Variants in KCNK16 observed in about 807,000 individuals in gnomAD.
KCNK16 encodes potassium channel subfamily K member 16.
KCNK16 carries 23 observed loss-of-function variants against 23.0 expected under a neutral mutation model. That is an observed-to-expected ratio of 1.00 (90% CI 0.72 to 1.41). The LOEUF (loss-of-function observed/expected upper bound fraction) is 1.41. Ranked by LOEUF, KCNK16 falls within the 40% of genes most tolerant of loss-of-function variation. The pLI, the probability that KCNK16 is intolerant of heterozygous loss-of-function variation, is 0.00. For missense variants in KCNK16, 327 were observed against 365.8 expected (o/e 0.89, Z 0.87); for synonymous variants, 145 against 153.5 (o/e 0.94, Z 0.41).
chr6:39,317,365 G>T (rs575641803), intron 3 of KCNK16, among the ~76,000 whole-genome samples: 2 of 152,340 alleles, frequency 1.3e-5, no homozygotes, highest in African/African-American at 4.8e-5. Context: ...TTGGAGTTCT[G>T]TGATGACCTT....
intron 4 of KCNK16, 143 bp from the exon 5 acceptor site, chr6:39,316,585 T>G (rs1583782351): frequency 8.2e-7 from 1 of 1,212,324 alleles, no homozygotes; most frequent in Non-Finnish European, 1.2e-6. Flanking sequence ...CTCTGCAGGG[T>G]GGTGATGGGT....
Position 39,322,561 on chromosome 6 carries a change from A to AT in KCNK16, c.-22_-21insA. ...GGCATGCTGTGGCCAGGACCCTGCC[A>AT]GGGCCGTGGGGCTGGCTATGGGGGA... On this transcript the variant is annotated 5_prime_UTR_variant, in exon 1 of 5. It adds an upstream start codon to the 5' untranslated region. Coordinates refer to ENST00000437525, the MANE Select transcript of KCNK16 (RefSeq NM_001135106.2). 1.3e-6 allele frequency: 2 copies of AT among 1,568,978 alleles called. No individual in the cohort carries two copies. The highest frequency in any genetic ancestry group is 1.7e-6 in the Non-Finnish European group (2 of 1,161,746).
Position 39,319,741 on chromosome 6 carries a change from G to A in KCNK16, c.214-608C>T, listed in dbSNP as rs917013410. Reference sequence around the variant, plus strand: ...ACAGAGGCCAAGACAAAGGTGGCACGTGTGAGTGTGTGTGTGTGTGTGTGT... The same window carrying A: ...ACAGAGGCCAAGACAAAGGTGGCACATGTGAGTGTGTGTGTGTGTGTGTGT... On this transcript the variant is annotated intron_variant, in intron 1 of 4. Coordinates refer to ENST00000437525, the MANE Select transcript of KCNK16 (RefSeq NM_001135106.2). The surrounding 1 kb of genome is among the most constrained non-coding windows in gnomAD (Gnocchi z 4.2). 5.9e-5 allele frequency among the ~76,000 whole-genome samples: 7 copies of A among 119,636 alleles called. No homozygotes were observed. Among genetic ancestry groups the A allele is most frequent in the African/African-American group, 7.1e-5 (2 of 28,202 alleles). The allele number at this position is 119,636 out of a possible 152,430, so 78.5% of individuals were successfully genotyped here.
At chr6:39,318,308 C>T (rs948497522) in intron 2 of KCNK16, among the ~76,000 whole-genome samples, 7 of 152,084 alleles carry the variant, frequency 4.6e-5, no homozygotes, top group African/African-American at 1.7e-4. Flanking sequence ...ACTGGAAGTT[C>T]CTTGCAGGCT....
upstream of KCNK16, chr6:39,322,858 G>C (rs954318018): frequency 2.3e-5 from 8 of 342,726 alleles, no homozygotes; most frequent in African/African-American, 1.4e-4. Flanking sequence ...CTCTCTCTCT[G>C]TCTCCAAGTT....
In KCNK16 at chr6:39,319,746, AGTGTGTGTGTGTGTGTGTGT is replaced by A. The variant is rs146841804; in HGVS notation, c.214-633_214-614del. 4.0e-4 allele frequency among the ~76,000 whole-genome samples: 60 copies of A among 148,372 alleles called. No individual in the cohort carries two copies. The highest frequency in any genetic ancestry group is 7.7e-4 in the Non-Finnish European group (51 of 66,646). ...GGCCAAGACAAAGGTGGCACGTGTGAGTGTGTGTGTGTGTGTGTGTGTGTGTGTGGTGGTTGTTTATATGT... is the reference window on the plus strand; with the variant it reads ...GGCCAAGACAAAGGTGGCACGTGTGAGTGTGTGTGGTGGTTGTTTATATGT... On this transcript the variant is annotated intron_variant, in intron 1 of 4. Transcript: ENST00000437525. This position sits in a 1 kb window ranked among gnomAD's most constrained non-coding sequence, Gnocchi z 4.2.
intron 2 of KCNK16, 41 bp from the exon 3 acceptor site, chr6:39,317,993 G>C: frequency 6.5e-7 from 1 of 1,541,924 alleles, no homozygotes; most frequent in Non-Finnish European, 8.8e-7. Flanking sequence ...GGAGACTCTA[G>C]AACGCCCTCT....
intron 1 of KCNK16, among the ~76,000 whole-genome samples, chr6:39,320,705 G>A (rs1025324381): frequency 6.6e-6 from 1 of 152,138 alleles, no homozygotes; most frequent in African/African-American, 2.4e-5. Flanking sequence ...GGCCCCAGGG[G>A]CTAATCAGTG....
chr6:39,322,063 C>G (rs567654188), intron 1 of KCNK16, among the ~76,000 whole-genome samples: 1 of 152,304 alleles, frequency 6.6e-6, no homozygotes, highest in East Asian at 1.9e-4. Context: ...TCTGCAGTAC[C>G]GATATGGTTA....
At chr6:39,315,997 A>G (rs991539646), downstream of KCNK16, among the ~76,000 whole-genome samples, 1 of 152,124 alleles carries the variant, frequency 6.6e-6, no homozygotes, top group African/African-American at 2.4e-5. Flanking sequence ...GGACAAGGGT[A>G]CACCTCCCCA....
chr6:39,321,974 C>T (rs921036857), intron 1 of KCNK16, among the ~76,000 whole-genome samples: 4 of 152,350 alleles, frequency 2.6e-5, no homozygotes, highest in Admixed American at 6.5e-5. Context: ...ATTTGGATAG[C>T]GTTGATAACG....
chr6:39,317,645 C>A, intron 3 of KCNK16, 141 bp downstream of exon 3: 1 of 948,862 alleles, frequency 1.1e-6, no homozygotes, highest in South Asian at 1.9e-5. Flanking sequence ...CTCTGCCCAA[C>A]CCTGCCTTCA....
At chr6:39,316,981 T>C in intron 3 of KCNK16, 34 bp from the exon 4 acceptor site, 1 of 1,590,360 alleles carries the variant, frequency 6.3e-7, no homozygotes. Context: ...TGAGTCCACT[T>C]GAAAGTCTCC....
downstream of KCNK16, chr6:39,315,568 G>A (rs2146259): frequency 7.0e-3 from 4,889 of 700,188 alleles, 122 homozygotes; most frequent in African/African-American, 0.058. Flanking sequence ...CCTGCCCCTC[G>A]GCTGAGAGCT....
chr6:39,319,101 G>T lies in KCNK16; in HGVS notation c.246C>A (p.Asn82Lys). 1 of 1,614,012 alleles carries T rather than the reference G, an allele frequency of 6.2e-7. No homozygotes were observed. ...TGGGGTTGGTAGAGTTGCCTTTGGG[G>T]TTCACACCTTTCACCCAGGCTTCCA... The part of the protein sequence containing the change: ...VIMEAWVKGV[N>K]PKGNSTNPSN... Residue 82 changes from asparagine (N) to lysine (K), a missense_variant, in exon 2 of 5, where the codon AAC becomes AAA. By Grantham distance (94) the Asn-to-Lys change is moderately conservative. Transcript: ENST00000437525. The surrounding 1 kb of genome is among the most constrained non-coding windows in gnomAD (Gnocchi z 4.2).
chr6:39,317,464 T>G (rs961898589), intron 3 of KCNK16, among the ~76,000 whole-genome samples: 1 of 152,220 alleles, frequency 6.6e-6, no homozygotes. Flanking sequence ...GAGAACCTCC[T>G]GGCCTAGGGG....
chr6:39,318,048 T>A, intron 2 of KCNK16, 96 bp from the exon 3 acceptor site: 6 of 1,219,370 alleles, frequency 4.9e-6, no homozygotes, highest in South Asian at 1.8e-5. Context: ...TGTCACCACC[T>A]CTGGGGGTGA....
intron 2 of KCNK16, among the ~76,000 whole-genome samples, 177 bp downstream of exon 2, chr6:39,318,842 C>T (rs537705068): frequency 3.7e-4 from 56 of 152,186 alleles, no homozygotes; most frequent in Non-Finnish European, 7.8e-4. Flanking sequence ...CAGTAATCTG[C>T]TAATTAATGC....
At chr6:39,320,009 C>T (rs756218070) in intron 1 of KCNK16, among the ~76,000 whole-genome samples, 3 of 152,226 alleles carry the variant, frequency 2.0e-5, no homozygotes, top group Non-Finnish European at 4.4e-5. Flanking sequence ...CAACCCTCTC[C>T]TCTTTAATTG....
Sources: allele counts gnomAD v4.1 joint callset (sites outside exome capture counted in the v4.1 genomes callset), GRCh38; gene constraint gnomAD v4.1.1; non-coding constraint Gnocchi (gnomAD v3.1); transcripts MANE v1.5; gene names NCBI Gene and HGNC (gene_info 2026-07-23, HGNC 2026-07-21).